IL10RB: variants seen among roughly 807,000 people sequenced by gnomAD.
IL10RB encodes the protein interleukin-10 receptor subunit beta.
IL10RB carries 30 observed loss-of-function variants against 38.7 expected under a neutral mutation model. That is an observed-to-expected ratio of 0.78 (90% CI 0.58 to 1.05). The LOEUF is 1.05. Ranked by LOEUF, IL10RB falls within the 50% of genes least tolerant of loss-of-function variation. The pLI, the probability that IL10RB is intolerant of heterozygous loss-of-function variation, is 0.00. For synonymous variants in IL10RB, 142 were observed against 145.9 expected (o/e 0.97, Z 0.19); for missense variants, 328 against 397.1 (o/e 0.83, Z 1.48).
At chr21:33,279,375 T>C (rs1348485842) in intron 3 of IL10RB, among the ~76,000 whole-genome samples, 1 of 151,536 alleles carries the variant, frequency 6.6e-6, no homozygotes, top group Non-Finnish European at 1.5e-5. Flanking sequence ...GCTTCCATCC[T>C]GAAAAAGGAA....
At chr21:33,271,326 T>C (rs932831822) in intron 2 of IL10RB, among the ~76,000 whole-genome samples, 6 of 152,224 alleles carry the variant, frequency 3.9e-5, no homozygotes, top group Non-Finnish European at 7.3e-5. Context: ...TCAGAGGATG[T>C]ACTGGTGATT....
chr21:33,272,567 C>T (rs1321190527), intron 2 of IL10RB, among the ~76,000 whole-genome samples: 2 of 152,214 alleles, frequency 1.3e-5, no homozygotes, highest in East Asian at 3.8e-4. Flanking sequence ...CCTCCTTAGC[C>T]TACTGAGTAG....
rs8178473 is a variant in IL10RB, at chr21:33,276,509, G to GC, written c.174-79dup. 3.1e-3 allele frequency: 3,189 copies of GC among 1,024,776 alleles called. 42 individuals carry two copies. The highest frequency in any genetic ancestry group is 0.031 in the African/African-American group (1,933 of 62,872). The allele number at this position is 1,024,776 out of a possible 1,614,324, so 63.5% of individuals were successfully genotyped here. On this transcript the variant is annotated intron_variant, in intron 2 of 6. Coordinates refer to ENST00000290200, the MANE Select transcript of IL10RB (RefSeq NM_000628.5). ...TTAACACAGTTTCCACTCCCGCGCC[G>GC]CCCCCCCCTCCAAATTAAGTACCAG...
chr21:33,281,240 TACTC>T (rs1033025759), intron 4 of IL10RB, among the ~76,000 whole-genome samples: 4 of 152,350 alleles, frequency 2.6e-5, no homozygotes, highest in Non-Finnish European at 4.4e-5. Context: ...TGAATTCTGA[TACTC>T]ACAATCACTG....
chr21:33,285,357 A>G (rs1303202379), intron 5 of IL10RB, among the ~76,000 whole-genome samples: 2 of 152,240 alleles, frequency 1.3e-5, no homozygotes, highest in Non-Finnish European at 2.9e-5. Context: ...GATTAATTCC[A>G]TAGGTAAACT....
Position 33,266,425 on chromosome 21 carries a change from C to T in IL10RB, c.-41C>T, listed in dbSNP as rs1353923623. 2.0e-5 allele frequency: 30 copies of T among 1,536,756 alleles called. No homozygotes were observed. The highest frequency in any genetic ancestry group is 4.9e-5 in the East Asian group (2 of 40,662). On this transcript the variant is annotated 5_prime_UTR_variant, in exon 1 of 7. Transcript: ENST00000290200. ...AGCTCTCCCGGGCGCGGGCGGGGGT[C>T]GTGTGCTTGGAGGAAGCCGCGGAAC... is the stretch of plus-strand genomic sequence containing the variant.
Position 33,273,303 on chromosome 21 carries a change from T to C in IL10RB, c.174-3293T>C, listed in dbSNP as rs8178464. On this transcript the variant is annotated intron_variant, in intron 2 of 6. Transcript: ENST00000290200. ...TAACACAATAAAGCTAAAACCACAATAGAGTGAGTCACATGAATTTTTTTG... is the reference window on the plus strand; with the variant it reads ...TAACACAATAAAGCTAAAACCACAACAGAGTGAGTCACATGAATTTTTTTG... Among the ~76,000 whole-genome samples the C allele has an allele frequency of 5.9e-3, 898 of 152,308 alleles. 13 individuals are homozygous for C. Among genetic ancestry groups the C allele is most frequent in the African/African-American group, 0.021 (859 of 41,570 alleles).
rs374589516 is a variant in IL10RB at position 33,283,225 on chromosome 21, G to A, written c.630G>A (p.Glu210=). Reference sequence around the variant, plus strand: ...GGGAATGGAGTGAGCCTGTCTGTGAGCAAACAACCCATGACGGTAAGCCCT... The same window carrying A: ...GGGAATGGAGTGAGCCTGTCTGTGAACAAACAACCCATGACGGTAAGCCCT... The part of the protein sequence containing the change: ...KAGEWSEPVC[E]QTTHDETVPS... Residue 210 remains glutamate, a synonymous_variant, in exon 5 of 7, where the codon GAG becomes GAA. Coordinates refer to ENST00000290200, the MANE Select transcript of IL10RB (RefSeq NM_000628.5). The A allele has an allele frequency of 3.2e-5, 51 of 1,613,842 alleles. 1 individual carries two copies. In the African/African-American group the frequency reaches 3.9e-4, roughly 12 times the overall value.
At chr21:33,278,639 G>A (rs966376690) in intron 3 of IL10RB, among the ~76,000 whole-genome samples, 1 of 152,210 alleles carries the variant, frequency 6.6e-6, no homozygotes, top group African/African-American at 2.4e-5. Flanking sequence ...GAGTGGCTGA[G>A]CAAGGATTCA....
intron 5 of IL10RB, among the ~76,000 whole-genome samples, chr21:33,286,349 CA>C (rs1463174542): frequency 2.0e-5 from 3 of 152,146 alleles, no homozygotes; most frequent in Admixed American, 1.3e-4. Flanking sequence ...CTCTCAGAGC[CA>C]AATGCTGTGC....
intron 5 of IL10RB, among the ~76,000 whole-genome samples, chr21:33,286,675 A>ACC (rs8178517): frequency 2.2e-4 from 33 of 151,596 alleles, no homozygotes; most frequent in South Asian, 4.2e-4. Flanking sequence ...AAATAGTGGG[A>ACC]CCCCCATCTC....
chr21:33,279,334 G>C (rs1241417013), intron 3 of IL10RB, among the ~76,000 whole-genome samples: 1 of 152,082 alleles, frequency 6.6e-6, no homozygotes. Context: ...TGTAAAGGTG[G>C]CCACTAAAAA....
At chr21:33,285,980 G>A (rs1455408219) in intron 5 of IL10RB, among the ~76,000 whole-genome samples, 1 of 152,152 alleles carries the variant, frequency 6.6e-6, no homozygotes, top group Non-Finnish European at 1.5e-5. Flanking sequence ...TCCGGTGCAT[G>A]AAACAAACAA....
rs112917718 is a variant in IL10RB at position 33,275,312 on chromosome 21, T to C, written c.174-1284T>C. ...CTGAGATTACAGGTGCATGCCACCA[T>C]GCCCGGCTAATTTTTTTGTATTTTT... is the stretch of plus-strand genomic sequence containing the variant. On this transcript the variant is annotated intron_variant, in intron 2 of 6. Transcript: ENST00000290200. Among the ~76,000 whole-genome samples, 891 of 152,198 alleles carry C rather than the reference T, an allele frequency of 5.9e-3. 12 individuals carry two copies. The highest frequency in any genetic ancestry group is 0.02 in the African/African-American group (850 of 41,524).
In IL10RB at chr21:33,296,445, G is replaced by T; in HGVS notation, c.*88G>T. On this transcript the variant is annotated 3_prime_UTR_variant, in exon 7 of 7. Coordinates refer to ENST00000290200, the MANE Select transcript of IL10RB (RefSeq NM_000628.5). ...GTGAGGGATCAGGGCAGCAAACAAG[G>T]GCCAAGACCATCTGAGCCAGCCCCA... The T allele has an allele frequency of 7.9e-7, 1 of 1,268,666 alleles. No homozygotes were observed. Among genetic ancestry groups the T allele is most frequent in the South Asian group, 1.2e-5 (1 of 81,720 alleles). The allele number at this position is 1,268,666 out of a possible 1,614,324, so 78.6% of individuals were successfully genotyped here.
At chr21:33,285,961 C>T (rs1261508524) in intron 5 of IL10RB, among the ~76,000 whole-genome samples, 1 of 152,170 alleles carries the variant, frequency 6.6e-6, no homozygotes, top group Non-Finnish European at 1.5e-5. Flanking sequence ...GACGGCACCG[C>T]TTCTGGGCTC....
At chr21:33,297,851 G>C (rs1039075611), downstream of IL10RB, among the ~76,000 whole-genome samples, 2 of 151,974 alleles carry the variant, frequency 1.3e-5, no homozygotes, top group African/African-American at 4.8e-5. Flanking sequence ...AGAAAAAAAA[G>C]AAAAGAAAGA....
intron 6 of IL10RB, among the ~76,000 whole-genome samples, chr21:33,295,029 G>T (rs556022657): frequency 9.3e-4 from 141 of 152,324 alleles, no homozygotes; most frequent in Non-Finnish European, 1.7e-3. Context: ...CATATTGCAA[G>T]CCATGTGTGT....
At chr21:33,269,487 A>G (rs766733671) in intron 2 of IL10RB, among the ~76,000 whole-genome samples, 1 of 152,242 alleles carries the variant, frequency 6.6e-6, no homozygotes, top group Admixed American at 6.5e-5. Context: ...AAGGCCTGCT[A>G]CATCAGAGAA....
Sources: allele counts gnomAD v4.1 joint callset (sites outside exome capture counted in the v4.1 genomes callset), GRCh38; gene constraint gnomAD v4.1.1; transcripts MANE v1.5; gene names NCBI Gene and HGNC (gene_info 2026-07-23, HGNC 2026-07-21).